WLS: variants seen among roughly 807,000 people sequenced by gnomAD.
WLS encodes the protein protein wntless homolog.
WLS carries 23 observed loss-of-function variants against 62.8 expected under a neutral mutation model. That is an observed-to-expected ratio of 0.37 (90% confidence interval 0.26 to 0.52). The LOEUF (loss-of-function observed/expected upper bound fraction) is 0.52, where lower values mean the gene tolerates loss of function less well. Among genes scored for constraint, WLS ranks in the 20% least tolerant of loss-of-function variants. WLS has a pLI of 0.92. For missense variants in WLS, 615 were observed against 697.3 expected, an observed-to-expected ratio of 0.88 and a Z score of 1.33; for synonymous variants, 246 against 244.1, an observed-to-expected ratio of 1.01 and a Z score of -0.07.
rs753379698 is a variant in WLS at position 68,137,767 on chromosome 1, G to A, written c.1516+13C>T. The A allele has an allele frequency of 6.2e-7, 1 of 1,612,976 alleles. No individual in the cohort carries two copies. The highest frequency in any genetic ancestry group is 8.5e-7 in the Non-Finnish European group (1 of 1,179,440). ...ATCCTGACTTAAGCTGTTCTAAAGAGACAGAAACTCACCATTGGACTGGTC... is the reference window on the plus strand; with the variant it reads ...ATCCTGACTTAAGCTGTTCTAAAGAAACAGAAACTCACCATTGGACTGGTC... On this transcript the variant is annotated intron_variant, in intron 11 of 11. Coordinates refer to ENST00000262348, the MANE Select transcript of WLS (RefSeq NM_024911.7).
chr1:68,110,651 A>ATATC (rs1553123050), intron 11 of WLS, among the ~76,000 whole-genome samples: 2 of 126,152 alleles, frequency 1.6e-5, no homozygotes, highest in African/African-American at 6.2e-5. Flanking sequence ...GCCCCCAAAA[A>ATATC]TCTCTGTCTC....
intron 11 of WLS, chr1:68,127,193 CTAAAAAAA>C (rs945828585): frequency 2.3e-4 from 55 of 242,612 alleles, no homozygotes; most frequent in African/African-American, 3.3e-4. Flanking sequence ...GACTTTGACT[CTAAAAAAA>C]TAAAAAAATA....
chr1:68,192,453 G>C (rs896738510), intron 2 of WLS, among the ~76,000 whole-genome samples: 1 of 151,788 alleles, frequency 6.6e-6, no homozygotes, highest in Non-Finnish European at 1.5e-5. Context: ...AGGTGCAGTG[G>C]CTCATGCCAG....
Position 68,148,594 on chromosome 1 carries a change from A to G in WLS, c.1039T>C (p.Phe347Leu), listed in dbSNP as rs774305005. 11 of 1,614,134 alleles carry G rather than the reference A, an allele frequency of 6.8e-6. No individual in the cohort carries two copies. The Admixed American group carries it at 1.8e-4, about 27-fold the overall frequency. Residue 347 changes from phenylalanine (F) to leucine (L), a missense_variant, in exon 7 of 12, where the codon TTC becomes CTC. Physicochemically the swap from Phe to Leu is conservative, Grantham distance 22 (BLOSUM62 0). Transcript: ENST00000262348. ...KQVGPIAVGS[F>L]CLFIFDMCER... ...CACATGTCAAATATGAAGAGGCAGAAGGAGCCAACGGCAATGGGTCCGACT... is the reference window on the plus strand; with the variant it reads ...CACATGTCAAATATGAAGAGGCAGAGGGAGCCAACGGCAATGGGTCCGACT...
intron 11 of WLS, among the ~76,000 whole-genome samples, chr1:68,105,095 A>T (rs374573040): frequency 1.2e-4 from 18 of 152,166 alleles, no homozygotes; most frequent in African/African-American, 3.4e-4. Context: ...ATAAGGTTAG[A>T]TGTCTGATCT....
intron 11 of WLS, among the ~76,000 whole-genome samples, chr1:68,128,465 G>C (rs1034743369): frequency 1.3e-5 from 2 of 152,270 alleles, no homozygotes; most frequent in South Asian, 4.1e-4. Flanking sequence ...ATTTCAAAGA[G>C]TCCTGACCAC....
Position 68,159,309 on chromosome 1 carries a change from C to T in WLS, c.380-62G>A, listed in dbSNP as rs113689585. On this transcript the variant is annotated intron_variant, in intron 2 of 11. Coordinates refer to ENST00000262348, the MANE Select transcript of WLS (RefSeq NM_024911.7). ...TTGGAAAGATATTTTAGAAACAGCT[C>T]AAAAAATTCTTATAGGCTTTGACTT... 9.0e-5 allele frequency: 142 copies of T among 1,572,266 alleles called. 2 individuals are homozygous for T. The African/African-American group carries it at 1.4e-3, about 16-fold the overall frequency.
chr1:68,108,353 T>C (rs1646175360), intron 11 of WLS, among the ~76,000 whole-genome samples: 1 of 152,192 alleles, frequency 6.6e-6, no homozygotes, highest in African/African-American at 2.4e-5. Context: ...TTTCTTCATC[T>C]CTTAAAAGAG....
rs112808636 is a variant in WLS at position 68,162,120 on chromosome 1, C to T, written c.380-2873G>A. The T allele has an allele frequency of 1.8e-3, 2,848 of 1,540,370 alleles. 5 individuals carry two copies. The highest frequency in any genetic ancestry group is 2.4e-3 in the Non-Finnish European group (2,675 of 1,115,414). On this transcript the variant is annotated intron_variant, in intron 2 of 11. Coordinates refer to ENST00000262348, the MANE Select transcript of WLS (RefSeq NM_024911.7). ...TCTCCAGTGACGCCTGCTTGCTGTA[C>T]CAGGCAGTGTGAGGAGTGCAGATAA...
At chr1:68,112,354 A>G (rs72936654) in intron 11 of WLS, among the ~76,000 whole-genome samples, 1,648 of 152,240 alleles carry the variant, frequency 0.011, 24 homozygotes, top group African/African-American at 0.036. Context: ...CTGTCTCCCC[A>G]TGGTTGCCTG....
At chr1:68,145,205 T>C (rs564900507) in intron 9 of WLS, among the ~76,000 whole-genome samples, 1 of 152,268 alleles carries the variant, frequency 6.6e-6, no homozygotes, top group Non-Finnish European at 1.5e-5. Context: ...ATCTACTGCA[T>C]ATAAAAACTC....
chr1:68,115,176 C>A (rs1196121513), intron 11 of WLS, among the ~76,000 whole-genome samples: 1 of 152,188 alleles, frequency 6.6e-6, no homozygotes, highest in African/African-American at 2.4e-5. Context: ...TCTGGGGCTC[C>A]TTAGGGTTAT....
intron 11 of WLS, among the ~76,000 whole-genome samples, chr1:68,128,858 C>G (rs1646474738): frequency 6.7e-6 from 1 of 150,282 alleles, no homozygotes; most frequent in South Asian, 2.1e-4. Flanking sequence ...GGCTAAGTAA[C>G]TTGCCCAAGG....
chr1:68,135,677 TC>T (rs1646599061), intron 11 of WLS, among the ~76,000 whole-genome samples: 1 of 152,180 alleles, frequency 6.6e-6, no homozygotes, highest in Non-Finnish European at 1.5e-5. Context: ...AAGTGGTATT[TC>T]TCTGGAAGGT....
At chr1:68,106,010 TA>T (rs753826372) in intron 11 of WLS, among the ~76,000 whole-genome samples, 6 of 152,130 alleles carry the variant, frequency 3.9e-5, no homozygotes, top group Non-Finnish European at 7.4e-5. Flanking sequence ...GACCTAAAAC[TA>T]AACATTGGTC....
At position 68,221,968 on chromosome 1, in the gene WLS, A is replaced by G. The variant is rs555720614; in HGVS notation, c.106+10226T>C. 2.6e-5 allele frequency among the ~76,000 whole-genome samples: 4 copies of G among 152,338 alleles called. No individual in the cohort carries two copies. The South Asian group carries it at 8.3e-4, about 32-fold the overall frequency. ...ATTACCTTCAAAGTGAAGAAATGGC[A>G]GAGACGAAGAATGAGGAATTTTGTT... On this transcript the variant is annotated intron_variant, in intron 1 of 11. Coordinates refer to ENST00000262348, the MANE Select transcript of WLS (RefSeq NM_024911.7).
rs11540823 is a variant in WLS, at chr1:68,232,448, C to T, written c.-149G>A. On this transcript the variant is annotated 5_prime_UTR_variant, in exon 1 of 12. Coordinates refer to ENST00000262348, the MANE Select transcript of WLS (RefSeq NM_024911.7). ...TGCTGGAGCGCGGCGAGGATGGGAC[C>T]GGGACGGAAGGCGCCCGCACGGATT... 0.038 allele frequency: 53,159 copies of T among 1,403,258 alleles called. 1,664 individuals carry two copies. The highest frequency in any genetic ancestry group is 0.12 in the Middle Eastern group (616 of 5,060). The allele number at this position is 1,403,258 out of a possible 1,614,324, so 86.9% of individuals were successfully genotyped here.
chr1:68,175,988 TA>T (rs1647242747), intron 2 of WLS, among the ~76,000 whole-genome samples: 1 of 152,218 alleles, frequency 6.6e-6, no homozygotes, highest in Non-Finnish European at 1.5e-5. Context: ...ACAAGTTTCG[TA>T]AAGGAAAAAG....
intron 2 of WLS, among the ~76,000 whole-genome samples, chr1:68,170,717 C>A (rs1368779905): frequency 3.3e-5 from 5 of 151,930 alleles, no homozygotes; most frequent in African/African-American, 9.7e-5. Context: ...GGCACCCCCC[C>A]CTTGCTCCCA....
Sources: gnomAD v4.1 joint callset for allele counts (sites outside exome capture counted in the v4.1 genomes callset) on GRCh38, gnomAD v4.1.1 for gene constraint, MANE v1.5 for transcripts, NCBI Gene and HGNC (gene_info 2026-07-23, HGNC 2026-07-21) for gene names.